NCKAP5: variants seen among roughly 807,000 people sequenced by gnomAD.
NCKAP5 encodes nck-associated protein 5.
NCKAP5 carries 92 observed loss-of-function variants against 167.0 expected under a neutral mutation model. The ratio of observed to expected loss-of-function variants is 0.55; its 90% CI spans 0.47 to 0.66. The LOEUF (loss-of-function observed/expected upper bound fraction) is 0.66, where lower values mean the gene tolerates loss of function less well. NCKAP5 is among the 30% of genes least tolerant of loss of function. NCKAP5 has a pLI of 0.00. For synonymous variants in NCKAP5, 891 were observed against 877.4 expected (o/e 1.02, Z -0.27); for missense variants, 2,378 against 2,315.0 (o/e 1.03, Z -0.56).
intron 11 of NCKAP5, among the ~76,000 whole-genome samples, chr2:132,817,701 G>A (rs1412816539): frequency 6.6e-6 from 1 of 152,044 alleles, no homozygotes; most frequent in African/African-American, 2.4e-5. Flanking sequence ...CCTCTGGTAG[G>A]GTTCCCAGCG....
chr2:132,820,950 T>C (rs991965869), intron 11 of NCKAP5, among the ~76,000 whole-genome samples: 2 of 152,148 alleles, frequency 1.3e-5, no homozygotes, highest in Non-Finnish European at 2.9e-5. Flanking sequence ...GTGGCAAATA[T>C]AGTCTGAAAC....
intron 11 of NCKAP5, among the ~76,000 whole-genome samples, chr2:132,802,645 T>G (rs1449919146): frequency 6.6e-6 from 1 of 152,350 alleles, no homozygotes; most frequent in Non-Finnish European, 1.5e-5. Flanking sequence ...AATATGACCC[T>G]GAATAGACAT....
chr2:133,563,857 A>G (rs12691837), intron 1 of NCKAP5, among the ~76,000 whole-genome samples: 76,377 of 151,868 alleles, frequency 0.5, 19,911 homozygotes, highest in South Asian at 0.6. Context: ...TGTGGGGTTG[A>G]GTGCAGTGTC....
At chr2:133,255,445 A>G (rs552603148) in intron 4 of NCKAP5, among the ~76,000 whole-genome samples, 2 of 152,296 alleles carry the variant, frequency 1.3e-5, no homozygotes, top group Non-Finnish European at 2.9e-5. Context: ...GAATAGCTAC[A>G]TTTTCCCACC....
chr2:133,026,766 C>T (rs1000767572), intron 6 of NCKAP5, among the ~76,000 whole-genome samples: 2 of 152,180 alleles, frequency 1.3e-5, no homozygotes, highest in East Asian at 1.9e-4. Context: ...CTCTTACATG[C>T]TAATTTGATC....
At chr2:133,434,926 G>A (rs1690377098) in intron 3 of NCKAP5, among the ~76,000 whole-genome samples, 1 of 152,212 alleles carries the variant, frequency 6.6e-6, no homozygotes, top group African/African-American at 2.4e-5. Context: ...AATGAATAAT[G>A]AGAGAGCAAT....
chr2:133,501,613 T>C (rs1256618695), intron 3 of NCKAP5, among the ~76,000 whole-genome samples: 1 of 152,220 alleles, frequency 6.6e-6, no homozygotes, highest in African/African-American at 2.4e-5. Flanking sequence ...AGTCATATAC[T>C]CAAAATTAAA....
chr2:133,424,109 C>T (rs566214341), intron 3 of NCKAP5, among the ~76,000 whole-genome samples: 68 of 152,286 alleles, frequency 4.5e-4, no homozygotes, highest in African/African-American at 1.6e-3. Context: ...GGGTCTAAAC[C>T]TGCTCTACTG....
intron 12 of NCKAP5, among the ~76,000 whole-genome samples, chr2:132,793,134 C>A (rs189921804): frequency 6.6e-6 from 1 of 152,288 alleles, no homozygotes; most frequent in Non-Finnish European, 1.5e-5. Flanking sequence ...CTCAGCCTTC[C>A]AAGTAGCTGG....
intron 6 of NCKAP5, among the ~76,000 whole-genome samples, chr2:133,099,022 A>G (rs1385836675): frequency 2.6e-5 from 4 of 152,326 alleles, no homozygotes; most frequent in Non-Finnish European, 5.9e-5. Flanking sequence ...GTACCTAAAA[A>G]TGGGCATTAA....
intron 5 of NCKAP5, among the ~76,000 whole-genome samples, chr2:133,139,735 A>G (rs1013045023): frequency 4.6e-5 from 7 of 152,188 alleles, no homozygotes; most frequent in African/African-American, 1.7e-4. Context: ...GTCATTCATT[A>G]GCAATGGTTC....
intron 3 of NCKAP5, among the ~76,000 whole-genome samples, chr2:133,387,065 TG>T (rs1465574859): frequency 2.6e-5 from 4 of 152,234 alleles, no homozygotes; most frequent in African/African-American, 9.6e-5. Context: ...AATATAGTTA[TG>T]TGTGAATTTG....
chr2:132,948,454 A>G (rs1046210940), intron 8 of NCKAP5, among the ~76,000 whole-genome samples: 7 of 152,226 alleles, frequency 4.6e-5, no homozygotes, highest in Non-Finnish European at 8.8e-5. Context: ...CACAGCCTGC[A>G]GCGAGCGAAG....
At chr2:133,378,699 C>T (rs916002278) in intron 3 of NCKAP5, among the ~76,000 whole-genome samples, 2 of 152,192 alleles carry the variant, frequency 1.3e-5, no homozygotes, top group African/African-American at 4.8e-5. Flanking sequence ...AACCTTCCTC[C>T]GTTCTGTCTC....
intron 11 of NCKAP5, among the ~76,000 whole-genome samples, chr2:132,828,839 C>A (rs1345456316): frequency 6.6e-6 from 1 of 152,160 alleles, no homozygotes; most frequent in East Asian, 1.9e-4. Context: ...TCCTATCCAA[C>A]CTTCCTCAGG....
intron 11 of NCKAP5, among the ~76,000 whole-genome samples, chr2:132,857,571 T>A (rs1689569410): frequency 6.6e-6 from 1 of 152,216 alleles, no homozygotes; most frequent in Admixed American, 6.5e-5. Context: ...TAGGTTCAAA[T>A]GAGCTTAGTT....
chr2:133,617,916 A>G, the NCKAP5 span, among the ~76,000 whole-genome samples: 3 of 152,094 alleles, frequency 2.0e-5, no homozygotes, highest in Non-Finnish European at 4.4e-5. Context: ...CTACAAGGCT[A>G]CAGTAACCAA....
At chr2:133,663,567 T>C in the NCKAP5 span, among the ~76,000 whole-genome samples, 1 of 152,218 alleles carries the variant, frequency 6.6e-6, no homozygotes, top group African/African-American at 2.4e-5. Flanking sequence ...TAATCCTTTG[T>C]TGTCATTTCA....
chr2:132,732,946 T>C (rs1691169373), intron 16 of NCKAP5, among the ~76,000 whole-genome samples: 2 of 152,184 alleles, frequency 1.3e-5, no homozygotes, highest in South Asian at 4.1e-4. Context: ...TGCGAGCCAC[T>C]TTCTTTCACT....
Sources: gnomAD v4.1 joint callset for allele counts (sites outside exome capture counted in the v4.1 genomes callset) on GRCh38, gnomAD v4.1.1 for gene constraint, MANE v1.5 for transcripts, NCBI Gene and HGNC (gene_info 2026-07-23, HGNC 2026-07-21) for gene names.